Variants in RIN3 observed in about 807,000 individuals in gnomAD.
The protein encoded by RIN3 is RAB5 interacting protein 3.
A neutral mutation model predicts 76.3 loss-of-function variants in RIN3; 54 were observed. The observed-to-expected ratio is 0.71, with a 90% confidence interval of 0.57 to 0.89. RIN3 has a LOEUF of 0.89. Ranked by LOEUF, RIN3 falls within the 40% of genes least tolerant of loss-of-function variation. RIN3 has a pLI of 0.00. For missense variants in RIN3, 1,256 were observed against 1,322.1 expected, an observed-to-expected ratio of 0.95 and a Z score of 0.78; for synonymous variants, 576 against 564.0, an observed-to-expected ratio of 1.02 and a Z score of -0.30.
chr14:92,514,038 C>T lies in RIN3; in HGVS notation c.44+62C>T. On this transcript the variant is annotated intron_variant, in intron 1 of 9. Coordinates refer to ENST00000216487, the MANE Select transcript of RIN3 (RefSeq NM_024832.5). The surrounding 1 kb of genome is among the most constrained non-coding windows in gnomAD (Gnocchi z 7.2). ...CCCCACGGCCCGCGTCCTGGCCGCC[C>T]CACTCCACTTCTTGTCCCAGAGAGT... 1 of 1,093,712 alleles carries T rather than the reference C, an allele frequency of 9.1e-7. No homozygotes were observed. The highest frequency in any genetic ancestry group is 1.6e-5 in the African/African-American group (1 of 61,816). The allele number at this position is 1,093,712 out of a possible 1,614,324, so 67.8% of individuals were successfully genotyped here. A position where few individuals can be genotyped will look rare whatever the true frequency, so the allele number is the denominator to read the frequency against.
At chr14:92,547,675 T>G (rs2104241) in intron 1 of RIN3, among the ~76,000 whole-genome samples, 1 of 151,466 alleles carries the variant, frequency 6.6e-6, no homozygotes, top group Non-Finnish European at 1.5e-5. Context: ...AGATTGCAGG[T>G]GTGAATCACT....
intron 4 of RIN3, among the ~76,000 whole-genome samples, chr14:92,638,354 G>C (rs72699853): frequency 6.6e-6 from 1 of 152,218 alleles, no homozygotes; most frequent in African/African-American, 2.4e-5. Flanking sequence ...TGTGGGGAAG[G>C]GACTGTGGAG....
chr14:92,651,896 C>T lies in RIN3; in HGVS notation c.847C>T (p.Pro283Ser). 1.9e-6 allele frequency: 3 copies of T among 1,591,576 alleles called. No homozygotes were observed. Among genetic ancestry groups the T allele is most frequent in the Non-Finnish European group, 2.6e-6 (3 of 1,169,642 alleles). Residue 283 changes from proline (P) to serine (S), a missense_variant, in exon 6 of 10, where the codon CCT (proline) becomes TCT (serine). Transcript: ENST00000216487. ...SRWAPRRPPPPPPVLPLQPCS... is the reference protein window; with the variant it reads ...SRWAPRRPPPSPPVLPLQPCS... The stretch of plus-strand genomic sequence containing the variant: ...GTGGGCCCCACGCCGCCCACCACCC[C>T]CTCCCCCAGTGCTGCCCCTGCAGCC...
chr14:92,520,626 C>A (rs913864616), intron 1 of RIN3, among the ~76,000 whole-genome samples: 1 of 152,220 alleles, frequency 6.6e-6, no homozygotes, highest in Non-Finnish European at 1.5e-5. Flanking sequence ...GGACAGAGGG[C>A]ACCCCAACAG....
At chr14:92,592,636 A>C (rs1885020333) in intron 3 of RIN3, among the ~76,000 whole-genome samples, 1 of 141,952 alleles carries the variant, frequency 7.0e-6, no homozygotes. Context: ...ATTGCTTTTA[A>C]ATTTTGTATT....
intron 2 of RIN3, among the ~76,000 whole-genome samples, chr14:92,557,702 G>A (rs1897635169): frequency 6.6e-6 from 1 of 152,214 alleles, no homozygotes; most frequent in Non-Finnish European, 1.5e-5. Flanking sequence ...AGACCAGGGG[G>A]ACCGCTGGCC....
At chr14:92,596,209 C>T (rs2140082811) in intron 3 of RIN3, among the ~76,000 whole-genome samples, 1 of 152,312 alleles carries the variant, frequency 6.6e-6, no homozygotes, top group East Asian at 1.9e-4. Flanking sequence ...CCCTTTATAC[C>T]TACAAAAGTA....
intron 7 of RIN3, among the ~76,000 whole-genome samples, chr14:92,670,787 G>A (rs114332446): frequency 0.013 from 1,908 of 152,264 alleles, 38 homozygotes; most frequent in African/African-American, 0.044. Context: ...GCTCGCACCA[G>A]CTCGTGGGAG....
chr14:92,533,884 A>C (rs542055988), intron 1 of RIN3, among the ~76,000 whole-genome samples: 1 of 152,346 alleles, frequency 6.6e-6, no homozygotes, highest in East Asian at 1.9e-4. Context: ...ATTTTGTTTT[A>C]AAATGTGGCA....
At chr14:92,575,891 T>C (rs948241368) in intron 2 of RIN3, among the ~76,000 whole-genome samples, 5 of 148,564 alleles carry the variant, frequency 3.4e-5, no homozygotes, top group African/African-American at 1.3e-4. Context: ...CAGCCTTATT[T>C]TACCCAACCC....
At chr14:92,638,643 A>G (rs766415254) in intron 4 of RIN3, among the ~76,000 whole-genome samples, 4 of 152,168 alleles carry the variant, frequency 2.6e-5, no homozygotes, top group Non-Finnish European at 4.4e-5. Context: ...GCAACTTGGG[A>G]TGAATGTTGC....
intron 1 of RIN3, among the ~76,000 whole-genome samples, chr14:92,536,664 C>T (rs1897007302): frequency 6.6e-6 from 1 of 151,246 alleles, no homozygotes; most frequent in African/African-American, 2.4e-5. Flanking sequence ...ATCACTTGAA[C>T]CCGGGAGGTG....
chr14:92,575,018 T>C (rs947423998), intron 2 of RIN3, among the ~76,000 whole-genome samples: 7 of 152,130 alleles, frequency 4.6e-5, no homozygotes, highest in Non-Finnish European at 1.0e-4. Flanking sequence ...ATAACTATAG[T>C]GTTTCCCCCA....
chr14:92,612,858 G>A (rs184538044), intron 3 of RIN3, among the ~76,000 whole-genome samples: 2 of 151,956 alleles, frequency 1.3e-5, no homozygotes, highest in African/African-American at 4.8e-5. Flanking sequence ...CTGCCAAAGC[G>A]AATAAGCCCT....
chr14:92,560,730 G>A (rs1370562673), intron 2 of RIN3, among the ~76,000 whole-genome samples: 1 of 151,922 alleles, frequency 6.6e-6, no homozygotes, highest in Non-Finnish European at 1.5e-5. Context: ...TAAAGATACA[G>A]ACACCGGGCC....
intron 4 of RIN3, among the ~76,000 whole-genome samples, chr14:92,631,399 T>TA (rs935294004): frequency 6.6e-5 from 10 of 151,982 alleles, no homozygotes; most frequent in Admixed American, 3.9e-4. Flanking sequence ...CCCCCAGAAA[T>TA]AAAAAAAAGA....
Position 92,688,469 on chromosome 14 carries a change from A to G in RIN3, c.*217A>G. ...AATAGCCCTGAGACACCGAGACGGC[A>G]TGTTCTTCATTAGACGGAAAGGGAA... On this transcript the variant is annotated 3_prime_UTR_variant, in exon 10 of 10. Coordinates refer to ENST00000216487, the MANE Select transcript of RIN3 (RefSeq NM_024832.5). 4 of 569,642 alleles carry G rather than the reference A, an allele frequency of 7.0e-6. No individual in the cohort carries two copies. Among genetic ancestry groups the G allele is most frequent in the Non-Finnish European group, 1.2e-5 (4 of 323,480 alleles). 35.3% of individuals were successfully genotyped at this position (569,642 alleles called of 1,614,324 possible). A position where few individuals can be genotyped will look rare whatever the true frequency, so the allele number is the denominator to read the frequency against.
rs574287657 is a variant in RIN3, at chr14:92,570,184, C to T, written c.250-7176C>T. 1.4e-4 allele frequency among the ~76,000 whole-genome samples: 22 copies of T among 152,352 alleles called. No homozygotes were observed. In the East Asian group the frequency reaches 4.1e-3, roughly 28 times the overall value. Reference sequence around the variant, plus strand: ...TTGCAATTTAGGAGGGCTCCAGCCTCAGCTCCCACCCTGGCTCAGGGCCAG... The same window carrying T: ...TTGCAATTTAGGAGGGCTCCAGCCTTAGCTCCCACCCTGGCTCAGGGCCAG... On this transcript the variant is annotated intron_variant, in intron 2 of 9. Coordinates refer to ENST00000216487, the MANE Select transcript of RIN3 (RefSeq NM_024832.5).
chr14:92,615,721 C>G (rs1429115804), intron 4 of RIN3: 6 of 516,150 alleles, frequency 1.2e-5, no homozygotes, highest in Non-Finnish European at 2.1e-5. Context: ...CGGCCTGTCT[C>G]TCAGCTTCCT....
Sources: gnomAD v4.1 joint callset for allele counts (sites outside exome capture counted in the v4.1 genomes callset) on GRCh38, gnomAD v4.1.1 for gene constraint, Gnocchi (gnomAD v3.1) non-coding constraint, MANE v1.5 for transcripts, NCBI Gene and HGNC (gene_info 2026-07-23, HGNC 2026-07-21) for gene names.